TRAPPC2L: variants seen among roughly 807,000 people sequenced by gnomAD.
TRAPPC2L encodes trafficking protein particle complex subunit 2L.
Under a neutral mutation model 13.2 loss-of-function variants are expected in TRAPPC2L, and 17 were observed. The observed-to-expected ratio is 1.29, with a 90% CI of 0.88 to 1.93. The LOEUF is 1.93. TRAPPC2L is among the 30% of genes most tolerant of loss of function. TRAPPC2L has a pLI of 0.00. For synonymous variants in TRAPPC2L, 150 were observed against 98.1 expected (o/e 1.53, Z -3.12); for missense variants, 359 against 252.1 (o/e 1.42, Z -2.87).
At chr16:88,857,334 G>A in intron 1 of TRAPPC2L, 151 bp downstream of exon 1, 1 of 694,792 alleles carries the variant, frequency 1.4e-6, no homozygotes, top group South Asian at 2.1e-5. Context: ...CTTCGCGGTG[G>A]ACGAGCCGCC....
At chr16:88,860,000 C>T (rs1416507593) in exon 4 of TRAPPC2L, 5 of 1,607,188 alleles carry the variant, frequency 3.1e-6, no homozygotes, top group African/African-American at 1.3e-5. Flanking sequence ...TGTCTTGCCA[C>T]CTTCTTTCTG....
upstream of TRAPPC2L, chr16:88,856,979 G>C: frequency 1.4e-6 from 2 of 1,394,584 alleles, no homozygotes; most frequent in Non-Finnish European, 1.8e-6. Context: ...ACGGCCACGT[G>C]ACTCGCGGGG....
intron 1 of TRAPPC2L, among the ~76,000 whole-genome samples, chr16:88,858,191 C>G (rs1968101508): frequency 1.3e-5 from 2 of 152,132 alleles, no homozygotes; most frequent in South Asian, 2.1e-4. Context: ...TGAGCTGAGT[C>G]TTGAAGGGTT....
intron 2 of TRAPPC2L, chr16:88,859,192 A>G: frequency 2.1e-6 from 1 of 479,432 alleles, no homozygotes; most frequent in Non-Finnish European, 4.0e-6. Context: ...GTCCCTTGGG[A>G]CAAATCACTT....
At chr16:88,856,750 G>C (rs745626912), upstream of TRAPPC2L, 35 of 1,084,560 alleles carry the variant, frequency 3.2e-5, no homozygotes, top group South Asian at 4.6e-4. Flanking sequence ...CCCACCGCCC[G>C]CACTCACGTC....
rs1163594146 is a variant in TRAPPC2L at position 88,857,387 on chromosome 16, C to A, written c.33+204C>A. 52 of 524,786 alleles carry A rather than the reference C, an allele frequency of 9.9e-5. No homozygotes were observed. In the South Asian group the frequency reaches 1.3e-3, roughly 13 times the overall value. 32.5% of individuals were successfully genotyped at this position (524,786 alleles called of 1,614,324 possible). On this transcript the variant is annotated intron_variant, in intron 1 of 3. Transcript: ENST00000565504. ...GACCCCAGTTCCGCGCTCGCCCGTC[C>A]CGCTGCTGAACGCACCCCTCGGCGC...
At chr16:88,857,304 C>A (rs1304127079) in intron 1 of TRAPPC2L, 121 bp downstream of exon 1, 11 of 940,310 alleles carry the variant, frequency 1.2e-5, no homozygotes, top group Non-Finnish European at 1.5e-5. Context: ...AGGCCTTCGC[C>A]GAGCTCCAGC....
chr16:88,859,713 C>A (rs114296684), exon 3 of TRAPPC2L: 1 of 1,614,052 alleles, frequency 6.2e-7, no homozygotes, highest in Non-Finnish European at 8.5e-7. Context: ...GTGGTAGATT[C>A]CTCCAACACA....
At chr16:88,856,918 C>G, upstream of TRAPPC2L, 3 of 1,486,834 alleles carry the variant, frequency 2.0e-6, no homozygotes, top group Non-Finnish European at 2.7e-6. Flanking sequence ...AGCGAGCCGA[C>G]CTAGCGAGCG....
At chr16:88,860,858 G>T (rs1234363904) in exon 4 of TRAPPC2L, 2 of 1,550,344 alleles carry the variant, frequency 1.3e-6, no homozygotes, top group Non-Finnish European at 8.7e-7. Context: ...GCCCGTCTCT[G>T]AGCAGAGGGG....
chr16:88,860,112 G>A (rs1279223937), exon 4 of TRAPPC2L: 6 of 831,032 alleles, frequency 7.2e-6, no homozygotes, highest in Non-Finnish European at 1.2e-5. Context: ...TAGGGCAGAG[G>A]TTTTAAAGCC....
At chr16:88,860,860 G>T in exon 4 of TRAPPC2L, 1 of 1,553,270 alleles carries the variant, frequency 6.4e-7, no homozygotes. Flanking sequence ...CCGTCTCTGA[G>T]CAGAGGGGTG....
chr16:88,857,965 T>C (rs566174744), intron 1 of TRAPPC2L, among the ~76,000 whole-genome samples: 1 of 152,306 alleles, frequency 6.6e-6, no homozygotes, highest in Non-Finnish European at 1.5e-5. Context: ...AAGCTGCTCA[T>C]GGGCTTCCCT....
intron 2 of TRAPPC2L, 84 bp downstream of exon 2, chr16:88,858,875 GAAGA>G: frequency 6.9e-7 from 1 of 1,439,230 alleles, no homozygotes; most frequent in Non-Finnish European, 9.3e-7. Context: ...AAACCTTTTA[GAAGA>G]AAAAGAGGTG....
upstream of TRAPPC2L, chr16:88,857,064 A>G (rs878873723): frequency 3.4e-6 from 5 of 1,482,176 alleles, no homozygotes; most frequent in Non-Finnish European, 3.6e-6. Flanking sequence ...GGCCTGAGCC[A>G]GCTGTGTGCG....
chr16:88,857,009 G>T, upstream of TRAPPC2L: 4 of 1,389,808 alleles, frequency 2.9e-6, no homozygotes, highest in Non-Finnish European at 3.7e-6. Context: ...AGTCCGCGGA[G>T]GGACGGGAGG....
At chr16:88,856,324 C>T, upstream of TRAPPC2L, 1 of 702,708 alleles carries the variant, frequency 1.4e-6, no homozygotes. Flanking sequence ...AGCTCTCAGG[C>T]AGGGCGGCAG....
At chr16:88,860,072 G>A in exon 4 of TRAPPC2L, 2 of 1,169,340 alleles carry the variant, frequency 1.7e-6, no homozygotes, top group Middle Eastern at 1.9e-4. Flanking sequence ...AGGGAGGAAA[G>A]ATCTTTTTAA....
At chr16:88,859,850 T>C in intron 3 of TRAPPC2L, 43 bp from the exon 4 acceptor site, 1 of 1,582,714 alleles carries the variant, frequency 6.3e-7, no homozygotes, top group Non-Finnish European at 8.6e-7. Flanking sequence ...TGGCAGTGGC[T>C]GTGTGTATGT....
Sources: allele counts gnomAD v4.1 joint callset (sites outside exome capture counted in the v4.1 genomes callset), GRCh38; gene constraint gnomAD v4.1.1; transcripts MANE v1.5; gene names NCBI Gene and HGNC (gene_info 2026-07-23, HGNC 2026-07-21).